Variants in ARID2 observed in about 807,000 individuals in gnomAD.
ARID2 encodes the protein AT-rich interactive domain-containing protein 2.
A neutral mutation model predicts 184.6 loss-of-function variants in ARID2; 32 were observed. The observed-to-expected ratio is 0.17, with a 90% CI of 0.13 to 0.23. ARID2 has a LOEUF of 0.23. ARID2 is among the 10% of genes least tolerant of loss of function. The pLI, the probability that ARID2 is intolerant of heterozygous loss-of-function variation, is 1.00. For missense variants in ARID2, 1,696 were observed against 2,197.6 expected, an observed-to-expected ratio of 0.77 and a Z score of 4.56; for synonymous variants, 836 against 772.6, an observed-to-expected ratio of 1.08 and a Z score of -1.36.
At chr12:45,868,365 C>T (rs1943864182) in intron 16 of ARID2, among the ~76,000 whole-genome samples, 1 of 152,136 alleles carries the variant, frequency 6.6e-6, no homozygotes, top group Non-Finnish European at 1.5e-5. Context: ...CGCTTGAACC[C>T]AGGAGGCAGA....
At chr12:45,860,656 A>T in intron 15 of ARID2, 145 bp from the exon 16 acceptor site, 1 of 660,712 alleles carries the variant, frequency 1.5e-6, no homozygotes. Flanking sequence ...TAAAGATTTT[A>T]AAGGTAATCA....
intron 16 of ARID2, among the ~76,000 whole-genome samples, chr12:45,880,125 A>G (rs1362753457): frequency 6.6e-6 from 1 of 152,204 alleles, no homozygotes; most frequent in Non-Finnish European, 1.5e-5. Flanking sequence ...CTAAAAAGAC[A>G]TTTGAAAAAC....
In ARID2 at chr12:45,851,502, G is replaced by A. The variant is rs2138171495; in HGVS notation, c.3379G>A (p.Val1127Ile). ...GCAGCTATTGGTTGGGCAGCAAAAT[G>A]TTCAGTTGGTCCCAAGTGCAATGCC... The part of the protein sequence containing the change: ...AQQLLVGQQN[V>I]QLVPSAMPPS... The change falls in exon 15 of 21, where the codon GTT (valine) becomes ATT (isoleucine). Residue 1127 changes from valine to isoleucine, a missense_variant. Val to Ile is a conservative substitution (Grantham distance 29). This residue lies in a region of ARID2 where 713 missense variants were observed against 824.4 expected (regional missense o/e 0.86). Transcript: ENST00000334344. The A allele has an allele frequency of 1.2e-6, 2 of 1,614,098 alleles. No homozygotes were observed. The highest frequency in any genetic ancestry group is 1.7e-6 in the Non-Finnish European group (2 of 1,179,974).
intron 3 of ARID2, among the ~76,000 whole-genome samples, chr12:45,782,099 G>T (rs1256928305): frequency 6.6e-6 from 1 of 152,002 alleles, no homozygotes; most frequent in Non-Finnish European, 1.5e-5. Context: ...TTTTAAAAAA[G>T]AGAGTAGATT....
intron 16 of ARID2, among the ~76,000 whole-genome samples, chr12:45,889,841 G>A (rs1944264957): frequency 6.6e-6 from 1 of 152,202 alleles, no homozygotes; most frequent in African/African-American, 2.4e-5. Flanking sequence ...GGGAGGCTGA[G>A]GCAGGAGAAT....
chr12:45,871,560 T>C (rs1943926309), intron 16 of ARID2, among the ~76,000 whole-genome samples: 2 of 152,296 alleles, frequency 1.3e-5, no homozygotes, highest in South Asian at 4.1e-4. Context: ...GATTCTGGGA[T>C]GTAGTTTTCT....
chr12:45,734,715 A>G (rs1210908808), intron 3 of ARID2, among the ~76,000 whole-genome samples: 4 of 152,020 alleles, frequency 2.6e-5, no homozygotes, highest in Non-Finnish European at 4.4e-5. Context: ...TGTGTTCCAT[A>G]TTTACTTGGT....
At chr12:45,858,800 C>T (rs1215044811) in intron 15 of ARID2, among the ~76,000 whole-genome samples, 1 of 152,122 alleles carries the variant, frequency 6.6e-6, no homozygotes, top group Non-Finnish European at 1.5e-5. Context: ...GCTGGAAAAT[C>T]CTCATCCTAT....
At chr12:45,902,898 T>C (rs553750561) in intron 20 of ARID2, among the ~76,000 whole-genome samples, 20 of 152,202 alleles carry the variant, frequency 1.3e-4, no homozygotes, top group Non-Finnish European at 2.4e-4. Flanking sequence ...TAAAAGTTGT[T>C]AAATAAAATT....
Position 45,777,706 on chromosome 12 carries a change from C to T in ARID2, c.285-33712C>T, listed in dbSNP as rs547442722. Among the ~76,000 whole-genome samples, 12 of 151,176 alleles carry T rather than the reference C, an allele frequency of 7.9e-5. No homozygotes were observed. In the East Asian group the frequency reaches 2.3e-3, roughly 29 times the overall value. On this transcript the variant is annotated intron_variant, in intron 3 of 20. Transcript: ENST00000334344. ...TAATTTTTATTTTATGTTAGTTTAG[C>T]TTATTATACATTAGCCTTTCTTAGC...
chr12:45,790,652 G>A (rs1451056657), intron 3 of ARID2, among the ~76,000 whole-genome samples: 1 of 152,164 alleles, frequency 6.6e-6, no homozygotes, highest in Non-Finnish European at 1.5e-5. Context: ...TAATAAATTA[G>A]TAAATGTTTC....
rs200021183 is a variant in ARID2 at position 45,893,597 on chromosome 12, G to A, written c.5272-33G>A. 1.2e-5 allele frequency: 19 copies of A among 1,603,876 alleles called. No homozygotes were observed. In the East Asian group the frequency reaches 4.2e-4, roughly 36 times the overall value. On this transcript the variant is annotated intron_variant, in intron 19 of 20. Coordinates refer to ENST00000334344, the MANE Select transcript of ARID2 (RefSeq NM_152641.4). ...AAAAGTCTGAGTCCTGTATGATTTA[G>A]ATCTTTATTCTTTTTTTTCCTTTCT...
At position 45,852,113 on chromosome 12, in the gene ARID2, A is replaced by C. The variant is rs2138176115; in HGVS notation, c.3990A>C (p.Leu1330Phe). 6.2e-7 allele frequency: 1 copy of C among 1,614,190 alleles called. No homozygotes were observed. The highest frequency in any genetic ancestry group is 8.5e-7 in the Non-Finnish European group (1 of 1,180,014). ...TCAGTAATGGGCCATCATTGGAATTAGGTGAGAATGGAGCATCTGGGAAAC... is the reference window on the plus strand; with the variant it reads ...TCAGTAATGGGCCATCATTGGAATTCGGTGAGAATGGAGCATCTGGGAAAC... ...SLISNGPSLE[L>F]GENGASGKQN... The change falls in exon 15 of 21, where the codon TTA becomes TTC. Residue 1330 changes from leucine (L) to phenylalanine (F), a missense_variant. This residue lies in a region of ARID2 where 428 missense variants were observed against 409.1 expected (regional missense o/e 1.05). Coordinates refer to ENST00000334344, the MANE Select transcript of ARID2 (RefSeq NM_152641.4).
rs1231903893 is a variant in ARID2 at position 45,860,921 on chromosome 12, T to C, written c.4894T>C (p.Phe1632Leu). Reference sequence around the variant, plus strand: ...TCCAATGAGAAAACCTGGACAGAACTTCATGTGTCTGTGGCAGTCTTGTAA... The same window carrying C: ...TCCAATGAGAAAACCTGGACAGAACCTCATGTGTCTGTGGCAGTCTTGTAA... ...GDPMRKPGQN[F>L]MCLWQSCKKW... is the part of the protein sequence containing the mutation. Residue 1632 changes from phenylalanine (F) to leucine (L), a missense_variant, in exon 16 of 21, where the codon TTC (phenylalanine) becomes CTC (leucine). Coordinates refer to ENST00000334344, the MANE Select transcript of ARID2 (RefSeq NM_152641.4). 6.3e-7 allele frequency: 1 copy of C among 1,594,666 alleles called. No individual in the cohort carries two copies. The highest frequency in any genetic ancestry group is 8.5e-7 in the Non-Finnish European group (1 of 1,170,792).
intron 3 of ARID2, among the ~76,000 whole-genome samples, chr12:45,791,068 G>C (rs560353671): frequency 6.6e-6 from 1 of 152,292 alleles, no homozygotes; most frequent in East Asian, 1.9e-4. Context: ...AGTGAAATTG[G>C]TGGATTGTAT....
chr12:45,755,541 G>T (rs1445436405), intron 3 of ARID2, among the ~76,000 whole-genome samples: 1 of 152,210 alleles, frequency 6.6e-6, no homozygotes, highest in Non-Finnish European at 1.5e-5. Context: ...ATTTACAGAA[G>T]AACAGGTTAA....
intron 3 of ARID2, among the ~76,000 whole-genome samples, chr12:45,732,160 C>G (rs1941016746): frequency 6.6e-6 from 1 of 151,188 alleles, no homozygotes; most frequent in South Asian, 2.1e-4. Context: ...AAGTGCTTAT[C>G]TTAGAGGATC....
At chr12:45,798,399 A>T (rs1942432181) in intron 3 of ARID2, among the ~76,000 whole-genome samples, 1 of 152,218 alleles carries the variant, frequency 6.6e-6, no homozygotes, top group Non-Finnish European at 1.5e-5. Flanking sequence ...GGAAATCTGG[A>T]AAACCAGGAA....
intron 6 of ARID2, among the ~76,000 whole-genome samples, chr12:45,829,495 ATG>A (rs1428327363): frequency 6.6e-6 from 1 of 151,830 alleles, no homozygotes; most frequent in Non-Finnish European, 1.5e-5. Flanking sequence ...CCTTCTGAGT[ATG>A]TGTTTTTTTC....
Sources: allele counts gnomAD v4.1 joint callset (sites outside exome capture counted in the v4.1 genomes callset), GRCh38; gene constraint gnomAD v4.1.1; regional missense constraint gnomAD v4.1.1; transcripts MANE v1.5; gene names NCBI Gene and HGNC (gene_info 2026-07-23, HGNC 2026-07-21).